The following GGACT variants were observed in gnomAD, a reference collection of about 807,000 sequenced individuals.
The protein encoded by GGACT is gamma-glutamylamine cyclotransferase.
For synonymous variants in GGACT, 118 were observed against 115.3 expected, an observed-to-expected ratio of 1.02 and a Z score of -0.15; for missense variants, 241 against 233.2, an observed-to-expected ratio of 1.03 and a Z score of -0.22.
At chr13:100,574,108 A>G (rs561442073) in intron 2 of GGACT, among the ~76,000 whole-genome samples, 3 of 152,350 alleles carry the variant, frequency 2.0e-5, no homozygotes, top group African/African-American at 7.2e-5. Flanking sequence ...TGTACTATTC[A>G]CAACAGCAAA....
intron 2 of GGACT, among the ~76,000 whole-genome samples, chr13:100,550,757 G>A (rs1271017865): frequency 6.6e-6 from 1 of 152,160 alleles, no homozygotes; most frequent in Non-Finnish European, 1.5e-5. Flanking sequence ...CCACTGAGGC[G>A]CTTTCTCCAA....
intron 2 of GGACT, among the ~76,000 whole-genome samples, chr13:100,553,926 T>C (rs1176764077): frequency 3.3e-5 from 5 of 151,608 alleles, no homozygotes; most frequent in Non-Finnish European, 5.9e-5. Flanking sequence ...ACAGGAATCT[T>C]GCACTCTTCT....
chr13:100,546,311 G>A (rs369403569), intron 2 of GGACT, among the ~76,000 whole-genome samples: 40 of 145,148 alleles, frequency 2.8e-4, no homozygotes, highest in South Asian at 8.6e-4. Context: ...GCAGTAAGCC[G>A]AGATGGCGCC....
At chr13:100,581,626 A>G (rs1049660070) in intron 2 of GGACT, among the ~76,000 whole-genome samples, 3 of 152,212 alleles carry the variant, frequency 2.0e-5, no homozygotes, top group African/African-American at 7.2e-5. Context: ...CCTTAAGGAG[A>G]TGAAGCCTAA....
chr13:100,579,534 A>T (rs1956604818), intron 2 of GGACT, among the ~76,000 whole-genome samples: 2 of 152,134 alleles, frequency 1.3e-5, no homozygotes, highest in Non-Finnish European at 2.9e-5. Flanking sequence ...TTTCTGTATA[A>T]CAGCTGGCCA....
chr13:100,586,442 G>C (rs190669152), intron 1 of GGACT, among the ~76,000 whole-genome samples: 2 of 152,232 alleles, frequency 1.3e-5, no homozygotes, highest in Non-Finnish European at 2.9e-5. Flanking sequence ...TCAAAATGTA[G>C]AGGTTATCAC....
In GGACT at chr13:100,532,417, AGCCG is replaced by A. The variant is rs2088419757; in HGVS notation, c.171_174del (p.Gly58ArgfsTer12). ...ACCTCGCCCTCCACGAGGCGCCCCG[AGCCG>A]GGCAGGTGCAGCAGCCACGGGATGT... On this transcript the variant is annotated frameshift_variant, in exon 3 of 3. Coordinates refer to ENST00000683975, the MANE Select transcript of GGACT (RefSeq NM_001195087.2). LOFTEE classifies it low-confidence loss of function (END_TRUNC). The A allele has an allele frequency of 6.5e-7, 1 of 1,549,900 alleles. No homozygotes were observed. Among genetic ancestry groups the A allele is most frequent in the Non-Finnish European group, 8.7e-7 (1 of 1,146,612 alleles).
intron 2 of GGACT, among the ~76,000 whole-genome samples, chr13:100,561,560 C>A (rs538575583): frequency 1.8e-4 from 27 of 152,246 alleles, no homozygotes; most frequent in Non-Finnish European, 3.5e-4. Context: ...CTATTAACAC[C>A]AGGATGAGAT....
rs147710327 is a variant in GGACT at position 100,543,197 on chromosome 13, C to CTTTTTTTTTTTTT, written c.-10-10609_-10-10597dup. On this transcript the variant is annotated intron_variant, in intron 2 of 2. Transcript: ENST00000683975. ...CAAAAGGATTTTAAAAAGACACCAG[C>CTTTTTTTTTTTTT]TTTTTTTTTTTTTTTTTTTTTTTTT... Among the ~76,000 whole-genome samples the CTTTTTTTTTTTTT allele has an allele frequency of 3.7e-4, 26 of 69,904 alleles. 4 individuals carry two copies. Among genetic ancestry groups the CTTTTTTTTTTTTT allele is most frequent in the African/African-American group, 1.2e-3 (20 of 16,184 alleles). The allele number at this position is 69,904 out of a possible 152,430, so 45.9% of individuals were successfully genotyped here.
rs373803362 is a variant in GGACT at position 100,553,364 on chromosome 13, T to C, written c.-10-20763A>G. Among the ~76,000 whole-genome samples the C allele has an allele frequency of 3.9e-5, 6 of 152,128 alleles. No individual in the cohort carries two copies. In the East Asian group the frequency reaches 7.8e-4, roughly 20 times the overall value. On this transcript the variant is annotated intron_variant, in intron 2 of 2. Transcript: ENST00000683975. The stretch of plus-strand genomic sequence containing the variant: ...GTGCTGGTCAGCACCAGGTGTCATA[T>C]CCCCAAAGCAGACACAACTGAAATG...
intron 2 of GGACT, among the ~76,000 whole-genome samples, chr13:100,569,580 TGATGGGA>T (rs1875018786): frequency 6.6e-6 from 1 of 152,198 alleles, no homozygotes; most frequent in African/African-American, 2.4e-5. Context: ...TCCAGGCCTG[TGATGGGA>T]GGGGCTGCTG....
intron 2 of GGACT, among the ~76,000 whole-genome samples, chr13:100,557,522 T>A (rs865949638): frequency 1.8e-5 from 2 of 113,700 alleles, no homozygotes; most frequent in Middle Eastern, 9.0e-3. Flanking sequence ...CAATGGGGAA[T>A]CTATAGACTT....
intron 2 of GGACT, among the ~76,000 whole-genome samples, chr13:100,580,395 C>A (rs1336600968): frequency 6.6e-6 from 1 of 152,222 alleles, no homozygotes; most frequent in Non-Finnish European, 1.5e-5. Context: ...GAAGACACAG[C>A]AGAGCCGGGA....
chr13:100,568,778 A>T (rs1319487510), intron 2 of GGACT, among the ~76,000 whole-genome samples: 1 of 152,240 alleles, frequency 6.6e-6, no homozygotes, highest in African/African-American at 2.4e-5. Context: ...CCCTCTGCCC[A>T]TGAGCCCACA....
At position 100,532,185 on chromosome 13, in the gene GGACT, CT is replaced by C; in HGVS notation, c.406del (p.Ser136AlafsTer66). ...PEWAQLPHHD[S>X]YDSEGPHGLR... ...CCCGTGCGGCCCCTCGGAGTCGTAG[CT>C]GTCATGGTGCGGGAGCTGGGCCCAC... On this transcript the variant is annotated frameshift_variant, in exon 3 of 3. Coordinates refer to ENST00000683975, the MANE Select transcript of GGACT (RefSeq NM_001195087.2). LOFTEE classifies it high-confidence loss of function. The C allele has an allele frequency of 1.4e-6, 2 of 1,467,810 alleles. No individual in the cohort carries two copies. Among genetic ancestry groups the C allele is most frequent in the Non-Finnish European group, 1.8e-6 (2 of 1,103,448 alleles). 90.9% of individuals were successfully genotyped at this position (1,467,810 alleles called of 1,614,324 possible). A position where few individuals can be genotyped will look rare whatever the true frequency, so the allele number is the denominator to read the frequency against.
intron 2 of GGACT, among the ~76,000 whole-genome samples, chr13:100,550,299 TACACACACACACAC>T (rs755235689): frequency 2.6e-4 from 7 of 27,264 alleles, no homozygotes; most frequent in Non-Finnish European, 4.0e-4. Flanking sequence ...GATTATACTC[TACACACACACACAC>T]ACACACACAC....
In GGACT at chr13:100,558,515, T is replaced by C. The variant is rs558906050; in HGVS notation, c.-11+25310A>G. ...ATTAATACCAAGTGTTGGCAAGATG[T>C]AGAGTAACTGAAATGCTCATACATT... On this transcript the variant is annotated intron_variant, in intron 2 of 2. Coordinates refer to ENST00000683975, the MANE Select transcript of GGACT (RefSeq NM_001195087.2). 3.7e-4 allele frequency among the ~76,000 whole-genome samples: 57 copies of C among 152,342 alleles called. 1 individual carries two copies. The highest frequency in any genetic ancestry group is 2.1e-3 in the South Asian group (10 of 4,832).
chr13:100,532,038 G>T lies in GGACT; in HGVS notation c.*92C>A, dbSNP rs1158202051. The T allele has an allele frequency of 8.3e-6, 7 of 843,184 alleles. No homozygotes were observed. 52.2% of individuals were successfully genotyped at this position (843,184 alleles called of 1,614,324 possible). The stretch of plus-strand genomic sequence containing the variant: ...CTTTCCGGCAGATTCATTGGAAAGG[G>T]CCCTGTTCGGCTTCCGCCTTCACCC... On this transcript the variant is annotated 3_prime_UTR_variant, in exon 3 of 3. Coordinates refer to ENST00000683975, the MANE Select transcript of GGACT (RefSeq NM_001195087.2).
At chr13:100,582,202 G>A (rs1170729677) in intron 2 of GGACT, among the ~76,000 whole-genome samples, 2 of 152,154 alleles carry the variant, frequency 1.3e-5, no homozygotes, top group African/African-American at 4.8e-5. Context: ...GCTCCTTGGA[G>A]AAACAGCTGA....
Sources: allele counts gnomAD v4.1 joint callset (sites outside exome capture counted in the v4.1 genomes callset), GRCh38; gene constraint gnomAD v4.1.1; transcripts MANE v1.5; gene names NCBI Gene and HGNC (gene_info 2026-07-23, HGNC 2026-07-21).